FNBP1L: variants seen among roughly 807,000 people sequenced by gnomAD.
FNBP1L encodes formin-binding protein 1-like.
A neutral mutation model predicts 91.2 loss-of-function variants in FNBP1L; 36 were observed. That is an observed-to-expected ratio of 0.39 (90% CI 0.30 to 0.52). The LOEUF is 0.52. Among genes scored for constraint, FNBP1L ranks in the 20% least tolerant of loss-of-function variants. FNBP1L has a pLI of 0.66. For missense variants in FNBP1L, 571 were observed against 732.1 expected, an observed-to-expected ratio of 0.78 and a Z score of 2.54; for synonymous variants, 242 against 237.0, an observed-to-expected ratio of 1.02 and a Z score of -0.19.
intron 15 of FNBP1L, 86 bp downstream of exon 15, chr1:93,549,512 TTAAG>T (rs1259666372): frequency 4.8e-6 from 5 of 1,040,194 alleles, no homozygotes; most frequent in East Asian, 5.5e-5. Context: ...GTATCCTTAT[TTAAG>T]TAATATATGT....
At chr1:93,535,049 A>G (rs1671800391) in intron 9 of FNBP1L, 141 bp downstream of exon 9, 4 of 691,398 alleles carry the variant, frequency 5.8e-6, no homozygotes, top group Admixed American at 2.9e-5. Flanking sequence ...TTTCACTTAT[A>G]TTAGGAATAC....
intron 2 of FNBP1L, among the ~76,000 whole-genome samples, chr1:93,515,575 C>T (rs1388312089): frequency 1.3e-5 from 2 of 151,968 alleles, no homozygotes; most frequent in Admixed American, 6.6e-5. Context: ...CCATGGAATA[C>T]TATGTAGCCA....
At chr1:93,483,990 G>C (rs1208115115) in intron 1 of FNBP1L, among the ~76,000 whole-genome samples, 1 of 152,220 alleles carries the variant, frequency 6.6e-6, no homozygotes, top group South Asian at 2.1e-4. Flanking sequence ...GTGCAGTGAT[G>C]TGATCTTGGC....
At chr1:93,511,179 G>C (rs1245045042) in intron 2 of FNBP1L, among the ~76,000 whole-genome samples, 2 of 152,118 alleles carry the variant, frequency 1.3e-5, no homozygotes, top group Non-Finnish European at 2.9e-5. Context: ...TGAAATGAAG[G>C]AAAAAATGTT....
chr1:93,455,994 A>G (rs1668645054), intron 1 of FNBP1L, among the ~76,000 whole-genome samples: 1 of 152,246 alleles, frequency 6.6e-6, no homozygotes, highest in African/African-American at 2.4e-5. Context: ...CTACCTGGGC[A>G]TGGGGGTACA....
intron 1 of FNBP1L, among the ~76,000 whole-genome samples, chr1:93,496,681 G>T (rs1248966125): frequency 6.6e-6 from 1 of 152,066 alleles, no homozygotes; most frequent in African/African-American, 2.4e-5. Flanking sequence ...TAGGCTTACA[G>T]ATGTGAGCCA....
At chr1:93,457,439 C>G (rs1668708098) in intron 1 of FNBP1L, among the ~76,000 whole-genome samples, 1 of 152,040 alleles carries the variant, frequency 6.6e-6, no homozygotes, top group Non-Finnish European at 1.5e-5. Flanking sequence ...CTGGGACTAC[C>G]TTAAACTAGT....
In FNBP1L at chr1:93,522,069, C is replaced by A. The variant is rs551197931; in HGVS notation, c.141-13C>A. On this transcript the variant is annotated splice_polypyrimidine_tract_variant and intron_variant, in intron 2 of 16. Transcript: ENST00000271234. Reference sequence around the variant, plus strand: ...AAATTTTTAATAAACTTTAAAAAATCTTCTTCCTATAGAAATCTGGTTAAG... The same window carrying A: ...AAATTTTTAATAAACTTTAAAAAATATTCTTCCTATAGAAATCTGGTTAAG... 3.4e-6 allele frequency: 5 copies of A among 1,483,870 alleles called. No individual in the cohort carries two copies. The East Asian group carries it at 1.3e-4, about 38-fold the overall frequency. 91.9% of individuals were successfully genotyped at this position (1,483,870 alleles called of 1,614,324 possible). A position where few individuals can be genotyped will look rare whatever the true frequency, so the allele number is the denominator to read the frequency against.
chr1:93,480,244 A>G (rs1029329484), intron 1 of FNBP1L, among the ~76,000 whole-genome samples: 15 of 152,192 alleles, frequency 9.9e-5, no homozygotes, highest in African/African-American at 3.6e-4. Context: ...ACAAAGAGAA[A>G]TGAGTAAACC....
intron 5 of FNBP1L, among the ~76,000 whole-genome samples, chr1:93,526,354 A>G (rs1469449099): frequency 6.6e-6 from 1 of 152,122 alleles, no homozygotes. Context: ...CTACTTTGCC[A>G]TCTTGACCAG....
chr1:93,465,791 A>C (rs1209365260), intron 1 of FNBP1L, among the ~76,000 whole-genome samples: 1 of 152,204 alleles, frequency 6.6e-6, no homozygotes, highest in Admixed American at 6.5e-5. Context: ...TGTCTTCCAC[A>C]ATAGTTGAAC....
Position 93,539,988 on chromosome 1 carries a change from A to T in FNBP1L, c.1150-1054A>T, listed in dbSNP as rs569265914. Among the ~76,000 whole-genome samples the T allele has an allele frequency of 2.6e-5, 4 of 152,188 alleles. No homozygotes were observed. The East Asian group carries it at 7.7e-4, about 29-fold the overall frequency. ...GATTTAGAAAATAGGGAAAAGTAAA[A>T]ATTTTACAGGCAGCTCACTAATTGA... On this transcript the variant is annotated intron_variant, in intron 10 of 16. Transcript: ENST00000271234.
intron 1 of FNBP1L, among the ~76,000 whole-genome samples, chr1:93,479,009 C>T (rs574024088): frequency 2.7e-4 from 41 of 152,334 alleles, no homozygotes; most frequent in Non-Finnish European, 5.4e-4. Context: ...ATTTGTAACT[C>T]TTCTAAATCT....
At chr1:93,549,073 T>G (rs1427878431) in intron 14 of FNBP1L, among the ~76,000 whole-genome samples, 1 of 152,232 alleles carries the variant, frequency 6.6e-6, no homozygotes, top group Non-Finnish European at 1.5e-5. Flanking sequence ...TTGTAATTTT[T>G]TTTTAATTCA....
chr1:93,532,668 G>C (rs1671721315), intron 7 of FNBP1L, among the ~76,000 whole-genome samples: 1 of 152,062 alleles, frequency 6.6e-6, no homozygotes, highest in African/African-American at 2.4e-5. Flanking sequence ...CCTTTTAGAA[G>C]GCTAGAATCC....
intron 16 of FNBP1L, 49 bp downstream of exon 16, chr1:93,551,154 G>T (rs755230307): frequency 5.4e-6 from 8 of 1,487,538 alleles, no homozygotes; most frequent in Non-Finnish European, 7.2e-6. Flanking sequence ...TGCCATGTGT[G>T]ACATAGGAAG....
chr1:93,532,612 A>T (rs1671718735), intron 7 of FNBP1L, among the ~76,000 whole-genome samples: 1 of 152,022 alleles, frequency 6.6e-6, no homozygotes, highest in Non-Finnish European at 1.5e-5. Context: ...TGAATAGTAA[A>T]AGGTGGGAGT....
At chr1:93,515,124 C>G (rs1671038463) in intron 2 of FNBP1L, among the ~76,000 whole-genome samples, 1 of 152,220 alleles carries the variant, frequency 6.6e-6, no homozygotes, top group Non-Finnish European at 1.5e-5. Flanking sequence ...AGACACTGCT[C>G]AAAAGAAGAC....
chr1:93,474,238 G>A (rs1328134407), intron 1 of FNBP1L, among the ~76,000 whole-genome samples: 8 of 151,692 alleles, frequency 5.3e-5, no homozygotes, highest in Admixed American at 1.3e-4. Context: ...GTGAGACTCC[G>A]TCTCAAAAAA....
Sources: allele counts gnomAD v4.1 joint callset (sites outside exome capture counted in the v4.1 genomes callset), GRCh38; gene constraint gnomAD v4.1.1; transcripts MANE v1.5; gene names NCBI Gene and HGNC (gene_info 2026-07-23, HGNC 2026-07-21).